The following CACNB2 variants were observed in gnomAD, a reference collection of about 807,000 sequenced individuals.
CACNB2 encodes calcium voltage-gated channel auxiliary subunit beta 2.
A neutral mutation model predicts 73.3 loss-of-function variants in CACNB2; 42 were observed. That is an observed-to-expected ratio of 0.57 (90% CI 0.45 to 0.74). The LOEUF (loss-of-function observed/expected upper bound fraction) is 0.74, where lower values mean the gene tolerates loss of function less well. Among genes scored for constraint, CACNB2 ranks in the 30% least tolerant of loss-of-function variants. The pLI is 0.00. For missense variants in CACNB2, 940 were observed against 853.0 expected, an observed-to-expected ratio of 1.10 and a Z score of -1.27; for synonymous variants, 348 against 310.3, an observed-to-expected ratio of 1.12 and a Z score of -1.28.
At chr10:18,499,613 CAAAGAAAAAAAA>C (rs1323232954) in intron 4 of CACNB2, among the ~76,000 whole-genome samples, 9 of 21,382 alleles carry the variant, frequency 4.2e-4, no homozygotes, top group Non-Finnish European at 7.2e-4. Context: ...GATTCTGTCT[CAAAGAAAAAAAA>C]AAAAAAAAAA....
At chr10:18,250,471 T>G (rs1345066890) in intron 2 of CACNB2, among the ~76,000 whole-genome samples, 1 of 152,202 alleles carries the variant, frequency 6.6e-6, no homozygotes, top group East Asian at 1.9e-4. Context: ...CACTTTGTTC[T>G]GCTCAAAACT....
intron 3 of CACNB2, among the ~76,000 whole-genome samples, chr10:18,414,864 T>C (rs1049488948): frequency 6.6e-6 from 1 of 152,242 alleles, no homozygotes; most frequent in African/African-American, 2.4e-5. Flanking sequence ...CCTCCCTTTT[T>C]CTCCACCAGA....
intron 2 of CACNB2, among the ~76,000 whole-genome samples, chr10:18,186,282 G>A (rs1450263610): frequency 2.0e-5 from 3 of 152,040 alleles, no homozygotes; most frequent in African/African-American, 7.2e-5. Flanking sequence ...AGCTGGGCGT[G>A]GTGGTGCATG....
chr10:18,181,065 G>GAAAAAAAA (rs34924301), intron 2 of CACNB2, among the ~76,000 whole-genome samples: 16 of 117,888 alleles, frequency 1.4e-4, no homozygotes, highest in East Asian at 1.2e-3. Flanking sequence ...AGCCAAAATA[G>GAAAAAAAA]AAAAAAAAAA....
chr10:18,404,043 G>A (rs530622286), intron 3 of CACNB2, among the ~76,000 whole-genome samples: 1 of 152,068 alleles, frequency 6.6e-6, no homozygotes, highest in East Asian at 1.9e-4. Context: ...ATTCTCCAGG[G>A]TATGCTTATT....
In CACNB2 at chr10:18,327,154, C is replaced by A. The variant is rs78303166; in HGVS notation, c.214-74770C>A. Among the ~76,000 whole-genome samples the A allele has an allele frequency of 8.2e-3, 1,249 of 152,128 alleles. 10 individuals are homozygous for A. The highest frequency in any genetic ancestry group is 0.031 in the Middle Eastern group (9 of 294). Reference sequence around the variant, plus strand: ...CCAGATTGGTTTTCATTCTGTTTGACTTAAAGATTTGAAATATGTTCTGAT... The same window carrying A: ...CCAGATTGGTTTTCATTCTGTTTGAATTAAAGATTTGAAATATGTTCTGAT... On this transcript the variant is annotated intron_variant, in intron 2 of 13. Transcript: ENST00000324631.
chr10:18,363,949 A>ATTTTT (rs529275417), intron 2 of CACNB2, among the ~76,000 whole-genome samples: 1 of 139,232 alleles, frequency 7.2e-6, no homozygotes, highest in Non-Finnish European at 1.6e-5. Context: ...AGGCAGTTTA[A>ATTTTT]TTTTTTTTTT....
chr10:18,443,945 C>A (rs947363319), intron 3 of CACNB2, among the ~76,000 whole-genome samples: 4 of 152,252 alleles, frequency 2.6e-5, no homozygotes, highest in Non-Finnish European at 4.4e-5. Context: ...GAATGCCTAA[C>A]CTCGAGCAAT....
intron 2 of CACNB2, among the ~76,000 whole-genome samples, chr10:18,226,026 T>G (rs1375474869): frequency 7.2e-6 from 1 of 138,836 alleles, no homozygotes. Context: ...TTTTCTTTTC[T>G]TTTCTTTTTT....
intron 2 of CACNB2, chr10:18,261,336 A>G (rs866553442): frequency 6.4e-7 from 1 of 1,551,642 alleles, no homozygotes; most frequent in Non-Finnish European, 8.7e-7. Flanking sequence ...CTATTGCTGT[A>G]GAATTGCAGC....
chr10:18,244,878 G>A (rs1415511979), intron 2 of CACNB2, among the ~76,000 whole-genome samples: 15 of 152,226 alleles, frequency 9.9e-5, no homozygotes, highest in Admixed American at 9.8e-4. Context: ...AATCACAAGG[G>A]TTCTTTTGAG....
chr10:18,250,327 A>G (rs2037038745), intron 2 of CACNB2, among the ~76,000 whole-genome samples: 1 of 152,218 alleles, frequency 6.6e-6, no homozygotes, highest in South Asian at 2.1e-4. Context: ...GTGAACCTAT[A>G]TGATCTGGCC....
intron 2 of CACNB2, among the ~76,000 whole-genome samples, chr10:18,356,519 A>C (rs549617628): frequency 3.3e-5 from 5 of 152,180 alleles, no homozygotes; most frequent in African/African-American, 9.6e-5. Flanking sequence ...TTTCCTGACT[A>C]CATTGCACAA....
At chr10:18,389,750 A>T (rs1354531357) in intron 2 of CACNB2, among the ~76,000 whole-genome samples, 1 of 152,194 alleles carries the variant, frequency 6.6e-6, no homozygotes, top group Admixed American at 6.5e-5. Context: ...AACTATCAAC[A>T]AGGTGTGAAA....
intron 2 of CACNB2, among the ~76,000 whole-genome samples, chr10:18,347,411 G>T (rs367987883): frequency 7.3e-6 from 1 of 137,308 alleles, no homozygotes; most frequent in Non-Finnish European, 1.5e-5. Context: ...GGCTTGTCAC[G>T]AACTCCTGAG....
intron 2 of CACNB2, among the ~76,000 whole-genome samples, chr10:18,287,047 G>C (rs2038833693): frequency 6.6e-6 from 1 of 152,134 alleles, no homozygotes; most frequent in Admixed American, 6.6e-5. Flanking sequence ...TCAAGCCATA[G>C]GCCAGGTGTG....
intron 3 of CACNB2, among the ~76,000 whole-genome samples, chr10:18,410,607 C>A (rs1384600647): frequency 6.6e-6 from 1 of 152,070 alleles, no homozygotes; most frequent in Non-Finnish European, 1.5e-5. Context: ...TGCGTATGTT[C>A]TTAAACCTAC....
intron 2 of CACNB2, among the ~76,000 whole-genome samples, chr10:18,386,239 G>A (rs372898139): frequency 2.0e-5 from 3 of 151,744 alleles, no homozygotes; most frequent in Admixed American, 2.0e-4. Flanking sequence ...TCCTTCCCCT[G>A]CTTTTTTGGC....
At chr10:18,285,483 C>T (rs2038747572) in intron 2 of CACNB2, among the ~76,000 whole-genome samples, 1 of 152,206 alleles carries the variant, frequency 6.6e-6, no homozygotes, top group South Asian at 2.1e-4. Context: ...CATGGATGTC[C>T]AGCTAAGATA....
Sources: gnomAD v4.1 joint callset for allele counts (sites outside exome capture counted in the v4.1 genomes callset) on GRCh38, gnomAD v4.1.1 for gene constraint, MANE v1.5 for transcripts, NCBI Gene and HGNC (gene_info 2026-07-23, HGNC 2026-07-21) for gene names.